Variants in RCBTB2 observed in about 807,000 individuals in gnomAD.
RCBTB2 encodes the protein RCC1 and BTB domain containing protein 2.
In RCBTB2, 55 loss-of-function variants were observed where a neutral mutation model predicts 65.4. The observed-to-expected ratio is 0.84, with a 90% CI of 0.68 to 1.05. The LOEUF (loss-of-function observed/expected upper bound fraction) is 1.05, where lower values mean the gene tolerates loss of function less well. RCBTB2 is among the 50% of genes least tolerant of loss of function. RCBTB2 has a pLI of 0.00. For missense variants in RCBTB2, 599 were observed against 680.1 expected, an observed-to-expected ratio of 0.88 and a Z score of 1.33; for synonymous variants, 220 against 255.2, an observed-to-expected ratio of 0.86 and a Z score of 1.31.
chr13:48,514,560 G>A (rs1478181744), intron 6 of RCBTB2, among the ~76,000 whole-genome samples: 2 of 152,184 alleles, frequency 1.3e-5, no homozygotes, highest in African/African-American at 4.8e-5. Flanking sequence ...TCAGGCCTAG[G>A]ATAAAGGTGC....
intron 10 of RCBTB2, among the ~76,000 whole-genome samples, chr13:48,504,801 C>G (rs182480139): frequency 6.6e-6 from 1 of 152,246 alleles, no homozygotes; most frequent in South Asian, 2.1e-4. Flanking sequence ...TGATCCTCCA[C>G]TGCCTCCTTT....
intron 6 of RCBTB2, among the ~76,000 whole-genome samples, chr13:48,514,666 A>G (rs1453797384): frequency 1.3e-5 from 2 of 152,214 alleles, no homozygotes; most frequent in East Asian, 3.8e-4. Flanking sequence ...GATTTCTTGG[A>G]CCGTTCAGTC....
chr13:48,499,111 AACAC>A (rs142443945), intron 13 of RCBTB2, among the ~76,000 whole-genome samples: 162 of 105,912 alleles, frequency 1.5e-3, no homozygotes, highest in Middle Eastern at 9.4e-3. Flanking sequence ...CCCCCACCCC[AACAC>A]ACACACACAC....
chr13:48,493,556 C>T (rs1370869291), intron 14 of RCBTB2, among the ~76,000 whole-genome samples: 4 of 151,964 alleles, frequency 2.6e-5, no homozygotes, highest in Admixed American at 6.6e-5. Context: ...TGTGCACCTC[C>T]ACCGCACCAT....
intron 12 of RCBTB2, among the ~76,000 whole-genome samples, chr13:48,500,522 C>T (rs993835509): frequency 2.6e-5 from 4 of 152,108 alleles, no homozygotes; most frequent in African/African-American, 9.7e-5. Context: ...CAGGCCACTG[C>T]ACTCCAGCCT....
chr13:48,512,932 C>G, intron 6 of RCBTB2, 37 bp from the exon 7 acceptor site: 2 of 1,542,060 alleles, frequency 1.3e-6, no homozygotes, highest in Non-Finnish European at 1.8e-6. Flanking sequence ...TTTTTTACAA[C>G]ATCTACTTCA....
intron 1 of RCBTB2, among the ~76,000 whole-genome samples, chr13:48,531,214 A>T (rs1401682319): frequency 6.6e-6 from 1 of 152,218 alleles, no homozygotes; most frequent in Non-Finnish European, 1.5e-5. Context: ...CAAGGACAGG[A>T]CGTGATAGAA....
chr13:48,514,669 G>A (rs115004436), intron 6 of RCBTB2, among the ~76,000 whole-genome samples: 1,695 of 152,268 alleles, frequency 0.011, 23 homozygotes, highest in African/African-American at 0.039. Context: ...TTCTTGGACC[G>A]TTCAGTCTTG....
chr13:48,533,196 G>A (rs1331751182), upstream of RCBTB2: 8 of 346,310 alleles, frequency 2.3e-5, no homozygotes, highest in Middle Eastern at 1.0e-3. Flanking sequence ...GCAGACAAGA[G>A]GAGGGGGCTG....
At chr13:48,530,312 G>C (rs992221312) in intron 1 of RCBTB2, among the ~76,000 whole-genome samples, 4 of 152,134 alleles carry the variant, frequency 2.6e-5, no homozygotes, top group Admixed American at 1.3e-4. Context: ...CAATTTCATA[G>C]GGCATAAGCA....
chr13:48,528,098 G>T (rs983336463), intron 1 of RCBTB2, among the ~76,000 whole-genome samples: 1 of 152,142 alleles, frequency 6.6e-6, no homozygotes, highest in Non-Finnish European at 1.5e-5. Flanking sequence ...TTCAGTGCCT[G>T]CAGTAGGCAC....
chr13:48,531,399 T>G (rs954991792), intron 1 of RCBTB2, among the ~76,000 whole-genome samples: 10 of 152,228 alleles, frequency 6.6e-5, no homozygotes, highest in Admixed American at 5.2e-4. Flanking sequence ...AGATGGTGAT[T>G]AAGTGCTACA....
chr13:48,512,993 C>G, intron 6 of RCBTB2, 98 bp from the exon 7 acceptor site: 1 of 1,033,210 alleles, frequency 9.7e-7, no homozygotes, highest in South Asian at 1.9e-5. Context: ...TCTAAAAATT[C>G]AGGTGCAAAA....
rs948587202 is a variant in RCBTB2, at chr13:48,489,029, C to T, written c.*1082G>A. ...AGCATCAGAACAAGAATTCTAATTC[C>T]AAAAGGGTTTCCTTTACATTACATG... On this transcript the variant is annotated 3_prime_UTR_variant, in exon 15 of 15. Transcript: ENST00000344532. 6.6e-6 allele frequency: 1 copy of T among 152,074 alleles called. No homozygotes were observed. Among genetic ancestry groups the T allele is most frequent in the African/African-American group, 2.4e-5 (1 of 41,396 alleles). The allele number at this position is 152,074 out of a possible 1,614,324, so 9.4% of individuals were successfully genotyped here. A position where few individuals can be genotyped will look rare whatever the true frequency, so the allele number is the denominator to read the frequency against.
upstream of RCBTB2, among the ~76,000 whole-genome samples, chr13:48,534,297 A>T (rs1238474437): frequency 6.6e-6 from 1 of 152,254 alleles, no homozygotes; most frequent in Non-Finnish European, 1.5e-5. Context: ...TTGCTCTCAG[A>T]AAAAGCTCAC....
chr13:48,519,679 G>A (rs553141161), intron 4 of RCBTB2, among the ~76,000 whole-genome samples: 49 of 152,196 alleles, frequency 3.2e-4, no homozygotes, highest in African/African-American at 1.0e-3. Context: ...TCTTCAAGGA[G>A]GTCACAATTT....
rs1262266491 is a variant in RCBTB2, at chr13:48,521,971, A to G, written c.-23-9T>C. 1 of 1,612,178 alleles carries G rather than the reference A, an allele frequency of 6.2e-7. No homozygotes were observed. The highest frequency in any genetic ancestry group is 2.2e-5 in the East Asian group (1 of 44,868). ...TCAGTCCTGGGCAGTCCCTGAGGAA[A>G]AAGTATGTGGTAAAATCAGGATCCC... is the stretch of plus-strand genomic sequence containing the variant. On this transcript the variant is annotated splice_polypyrimidine_tract_variant and intron_variant, in intron 3 of 14. Coordinates refer to ENST00000344532, the MANE Select transcript of RCBTB2 (RefSeq NM_001268.4).
Position 48,502,861 on chromosome 13 carries a change from T to G in RCBTB2, c.980A>C (p.Gln327Pro). 6.2e-7 allele frequency: 1 copy of G among 1,614,112 alleles called. No homozygotes were observed. Among genetic ancestry groups the G allele is most frequent in the Non-Finnish European group, 8.5e-7 (1 of 1,179,988 alleles). The change falls in exon 11 of 15, where the codon CAG becomes CCG. Residue 327 changes from glutamine (Q) to proline (P), a missense_variant. Gln to Pro is a moderately conservative substitution (Grantham distance 76). Transcript: ENST00000344532. ...GCCCCACATGTACACGTGCCCACCC[T>G]GCGTCTTGGCCGCAGACGTGTGTGT... The part of the protein sequence containing the change: ...HSTHTSAAKT[Q>P]GGHVYMWGQC...
At position 48,496,312 on chromosome 13, in the gene RCBTB2, T is replaced by C. The variant is rs752603374; in HGVS notation, c.1394A>G (p.Asp465Gly). The C allele has an allele frequency of 1.9e-6, 3 of 1,576,526 alleles. No homozygotes were observed. In the East Asian group the frequency reaches 6.8e-5, roughly 36 times the overall value. ...LSPEEAVGLL[D>G]LATFYRENRL... ...ATTTTCTCTATAAAATGTAGCCAAG[T>C]CTAGCAGTCCTGGCGGAAAGAGGTG... Residue 465 changes from aspartate (D) to glycine (G), a missense_variant, in exon 14 of 15, where the codon GAC (aspartate) becomes GGC (glycine). By Grantham distance (94) the Asp-to-Gly change is moderately conservative. Transcript: ENST00000344532.
Sources: allele counts gnomAD v4.1 joint callset (sites outside exome capture counted in the v4.1 genomes callset), GRCh38; gene constraint gnomAD v4.1.1; transcripts MANE v1.5; gene names NCBI Gene and HGNC (gene_info 2026-07-23, HGNC 2026-07-21).